Variants in CSMD1 observed in about 807,000 individuals in gnomAD.
CSMD1 encodes the protein CUB and sushi domain-containing protein 1.
A neutral mutation model predicts 417.5 loss-of-function variants in CSMD1; 213 were observed. That is an observed-to-expected ratio of 0.51 (90% CI 0.46 to 0.57). The LOEUF is 0.57. Among genes scored for constraint, CSMD1 ranks in the 20% least tolerant of loss-of-function variants. The pLI is 0.00. For synonymous variants in CSMD1, 2,862 were observed against 1,736.8 expected, an observed-to-expected ratio of 1.65 and a Z score of -16.11; for missense variants, 6,923 against 4,529.7, an observed-to-expected ratio of 1.53 and a Z score of -15.17.
chr8:4,398,129 C>G (rs1804384005), intron 3 of CSMD1, among the ~76,000 whole-genome samples: 1 of 152,066 alleles, frequency 6.6e-6, no homozygotes. Context: ...CCACATCTGG[C>G]AAAGTGTTTA....
chr8:3,120,847 A>C (rs1817164108), intron 41 of CSMD1, among the ~76,000 whole-genome samples: 2 of 152,162 alleles, frequency 1.3e-5, no homozygotes, highest in Non-Finnish European at 1.5e-5. Flanking sequence ...CTCCATCACA[A>C]ATAAATAAAT....
intron 5 of CSMD1, among the ~76,000 whole-genome samples, chr8:3,936,061 TA>T (rs1321129621): frequency 4.6e-5 from 7 of 151,798 alleles, no homozygotes; most frequent in African/African-American, 1.7e-4. Flanking sequence ...GTGTCCTGGG[TA>T]AAAGACCAAA....
intron 3 of CSMD1, among the ~76,000 whole-genome samples, chr8:4,118,829 C>G (rs959900427): frequency 6.6e-6 from 1 of 152,172 alleles, no homozygotes; most frequent in Non-Finnish European, 1.5e-5. Context: ...ATAGCAAAGA[C>G]TTGGAACCAA....
At chr8:3,746,735 T>A (rs1035703087) in intron 6 of CSMD1, among the ~76,000 whole-genome samples, 1 of 152,222 alleles carries the variant, frequency 6.6e-6, no homozygotes, top group Non-Finnish European at 1.5e-5. Context: ...ATTTCTCCTA[T>A]CCTTACCAGA....
chr8:4,072,823 C>T (rs926160633), intron 3 of CSMD1, among the ~76,000 whole-genome samples: 3 of 152,136 alleles, frequency 2.0e-5, no homozygotes, highest in Non-Finnish European at 4.4e-5. Context: ...CAAGGCAGCC[C>T]AAAAGCCGTC....
At position 3,423,706 on chromosome 8, in the gene CSMD1, G is replaced by C. The variant is rs184967773; in HGVS notation, c.1562-14101C>G. ...AAAGTCTTACGAATGTTCCATCCCA[G>C]GTCTTTGTGTGGAAATGTGTTTTTA... On this transcript the variant is annotated intron_variant, in intron 12 of 69. Transcript: ENST00000635120. Among the ~76,000 whole-genome samples, 271 of 152,294 alleles carry C rather than the reference G, an allele frequency of 1.8e-3. 3 individuals carry two copies. Among genetic ancestry groups the C allele is most frequent in the African/African-American group, 6.1e-3 (252 of 41,576 alleles).
chr8:4,376,418 T>C lies in CSMD1; in HGVS notation c.415+43535A>G, dbSNP rs76501333. ...TGCTGTGATTCTCTTGTGCATATTT[T>C]TTTCTTTACGTTTCAAAATATTTTC... On this transcript the variant is annotated intron_variant, in intron 3 of 69. Transcript: ENST00000635120. 3.3e-3 allele frequency among the ~76,000 whole-genome samples: 504 copies of C among 152,314 alleles called. 23 individuals are homozygous for C. In the East Asian group the frequency reaches 0.084, roughly 25 times the overall value.
At chr8:3,153,075 A>C (rs1215203299) in intron 39 of CSMD1, among the ~76,000 whole-genome samples, 3 of 152,228 alleles carry the variant, frequency 2.0e-5, no homozygotes, top group Non-Finnish European at 4.4e-5. Flanking sequence ...AGAGAAGGTC[A>C]GTACAAAATA....
intron 3 of CSMD1, among the ~76,000 whole-genome samples, chr8:4,072,592 G>C (rs1384156623): frequency 6.6e-6 from 1 of 152,156 alleles, no homozygotes; most frequent in Non-Finnish European, 1.5e-5. Flanking sequence ...TTCTGTGGTT[G>C]TATGTGTTTG....
intron 3 of CSMD1, among the ~76,000 whole-genome samples, chr8:4,334,122 G>T (rs992238444): frequency 4.6e-5 from 7 of 152,130 alleles, no homozygotes; most frequent in Middle Eastern, 3.4e-3. Context: ...AACCAAGCTG[G>T]TCTCAAACTC....
rs537258697 is a variant in CSMD1 at position 3,329,731 on chromosome 8, A to G, written c.3631+13563T>C. 1.6e-3 allele frequency among the ~76,000 whole-genome samples: 243 copies of G among 152,220 alleles called. 1 individual carries two copies. The highest frequency in any genetic ancestry group is 2.9e-3 in the Non-Finnish European group (196 of 68,014). ...GGCCTGCAGGACCAGTGCTAACTGA[A>G]GAGTGTGAGCAGAGGCCATGCCATC... is the stretch of plus-strand genomic sequence containing the variant. On this transcript the variant is annotated intron_variant, in intron 23 of 69. Transcript: ENST00000635120.
intron 1 of CSMD1, among the ~76,000 whole-genome samples, chr8:4,956,020 G>A (rs1245643381): frequency 1.3e-5 from 2 of 152,196 alleles, no homozygotes; most frequent in Non-Finnish European, 2.9e-5. Context: ...CTCTCAGACT[G>A]CTCCAGTCAC....
intron 23 of CSMD1, among the ~76,000 whole-genome samples, chr8:3,314,806 G>C (rs558028955): frequency 6.6e-6 from 1 of 152,016 alleles, no homozygotes; most frequent in African/African-American, 2.4e-5. Flanking sequence ...TCAAGTATTC[G>C]GATTAGTTCT....
intron 3 of CSMD1, among the ~76,000 whole-genome samples, chr8:4,175,126 G>T (rs1053487123): frequency 6.6e-6 from 1 of 151,892 alleles, no homozygotes; most frequent in Non-Finnish European, 1.5e-5. Context: ...AATATCTGAG[G>T]AATAGTGTAA....
chr8:3,331,782 C>A lies in CSMD1; in HGVS notation c.3631+11512G>T, dbSNP rs141943819. On this transcript the variant is annotated intron_variant, in intron 23 of 69. Coordinates refer to ENST00000635120, the MANE Select transcript of CSMD1 (RefSeq NM_033225.6). Reference sequence around the variant, plus strand: ...CTTCATGCCAGATCTTTAAAGTTACCGTGTGAATGATATATTGAATAGCAG... The same window carrying A: ...CTTCATGCCAGATCTTTAAAGTTACAGTGTGAATGATATATTGAATAGCAG... 3.6e-4 allele frequency among the ~76,000 whole-genome samples: 55 copies of A among 152,238 alleles called. 1 individual carries two copies. Among genetic ancestry groups the A allele is most frequent in the African/African-American group, 1.3e-3 (55 of 41,544 alleles).
chr8:3,758,628 A>T (rs1797809507), intron 5 of CSMD1, among the ~76,000 whole-genome samples: 1 of 152,214 alleles, frequency 6.6e-6, no homozygotes, highest in Non-Finnish European at 1.5e-5. Flanking sequence ...ATTAGGTGAA[A>T]TTGTGAACTC....
chr8:4,969,506 C>G (rs1177419135), intron 1 of CSMD1, among the ~76,000 whole-genome samples: 1 of 151,292 alleles, frequency 6.6e-6, no homozygotes, highest in African/African-American at 2.4e-5. Context: ...TCCATCCATT[C>G]CTCCACCCAA....
Position 3,683,268 on chromosome 8 carries a change from C to T in CSMD1, c.1009+25146G>A, listed in dbSNP as rs1308488142. Among the ~76,000 whole-genome samples, 4 of 151,896 alleles carry T rather than the reference C, an allele frequency of 2.6e-5. No homozygotes were observed. The East Asian group carries it at 5.8e-4, about 22-fold the overall frequency. ...AATAAAAAAATAAAGACAGTGACCCCTGTGAATAGCCTGTGGACCCAGAAT... is the reference window on the plus strand; with the variant it reads ...AATAAAAAAATAAAGACAGTGACCCTTGTGAATAGCCTGTGGACCCAGAAT... On this transcript the variant is annotated intron_variant, in intron 7 of 69. Transcript: ENST00000635120.
chr8:4,256,510 A>G (rs2128836204), intron 3 of CSMD1, among the ~76,000 whole-genome samples: 1 of 152,344 alleles, frequency 6.6e-6, no homozygotes, highest in Admixed American at 6.5e-5. Flanking sequence ...TGTATAAAGA[A>G]ATAAACAGTT....
Sources: gnomAD v4.1 joint callset for allele counts (sites outside exome capture counted in the v4.1 genomes callset) on GRCh38, gnomAD v4.1.1 for gene constraint, MANE v1.5 for transcripts, NCBI Gene and HGNC (gene_info 2026-07-23, HGNC 2026-07-21) for gene names.